The following KLF12 variants were observed in gnomAD, a reference collection of about 807,000 sequenced individuals.
KLF12 encodes the protein Krueppel-like factor 12.
KLF12 carries 9 observed loss-of-function variants against 37.8 expected under a neutral mutation model. The ratio of observed to expected loss-of-function variants is 0.24; its 90% CI spans 0.14 to 0.42. The LOEUF is 0.42. Among genes scored for constraint, KLF12 ranks in the 10% least tolerant of loss-of-function variants. The pLI, the probability that KLF12 is intolerant of heterozygous loss-of-function variation, is 1.00. For missense variants in KLF12, 411 were observed against 516.0 expected (o/e 0.80, Z 1.97); for synonymous variants, 208 against 202.1 (o/e 1.03, Z -0.25).
At chr13:73,903,925 T>C (rs967571093) in intron 3 of KLF12, among the ~76,000 whole-genome samples, 1 of 152,200 alleles carries the variant, frequency 6.6e-6, no homozygotes, top group African/African-American at 2.4e-5. Flanking sequence ...TGAAACCATC[T>C]TCCACTCCCA....
At chr13:74,245,149 C>T in the KLF12 span, among the ~76,000 whole-genome samples, 1 of 151,914 alleles carries the variant, frequency 6.6e-6, no homozygotes, top group Non-Finnish European at 1.5e-5. Flanking sequence ...ATTTGGGTAG[C>T]CAGTATTATT....
chr13:74,186,560 A>G, the KLF12 span, among the ~76,000 whole-genome samples: 1 of 152,146 alleles, frequency 6.6e-6, no homozygotes, highest in Non-Finnish European at 1.5e-5. Context: ...AGGTTTAGAG[A>G]CACATCATCT....
intron 6 of KLF12, among the ~76,000 whole-genome samples, chr13:73,752,687 C>A (rs1878852093): frequency 6.6e-6 from 1 of 151,818 alleles, no homozygotes; most frequent in African/African-American, 2.4e-5. Context: ...TCAGCCACAG[C>A]CTTGGCTTCC....
At chr13:73,880,373 A>G (rs1395852126) in intron 3 of KLF12, among the ~76,000 whole-genome samples, 2 of 152,204 alleles carry the variant, frequency 1.3e-5, no homozygotes, top group African/African-American at 4.8e-5. Flanking sequence ...AGGGAGTTCA[A>G]TTAGTTTATT....
the KLF12 span, among the ~76,000 whole-genome samples, chr13:74,147,183 AT>A: frequency 6.6e-6 from 1 of 152,134 alleles, no homozygotes; most frequent in Non-Finnish European, 1.5e-5. Flanking sequence ...GAAGTTTTGC[AT>A]TTTTCACATA....
intron 1 of KLF12, among the ~76,000 whole-genome samples, chr13:74,112,737 C>T (rs1466414086): frequency 6.6e-6 from 1 of 152,046 alleles, no homozygotes; most frequent in Admixed American, 6.6e-5. Context: ...AAAATTGGGC[C>T]AATTAATAAA....
intron 1 of KLF12, among the ~76,000 whole-genome samples, chr13:74,106,569 A>T (rs1434797671): frequency 6.6e-6 from 1 of 152,176 alleles, no homozygotes; most frequent in Non-Finnish European, 1.5e-5. Flanking sequence ...CTGGAGATAA[A>T]AATCAGTGCA....
intron 7 of KLF12, among the ~76,000 whole-genome samples, chr13:73,711,516 T>C (rs138058019): frequency 2.6e-5 from 4 of 152,318 alleles, no homozygotes; most frequent in Non-Finnish European, 4.4e-5. Context: ...CTAAATCTAA[T>C]GCTAAATCTG....
At chr13:74,212,685 A>G in the KLF12 span, among the ~76,000 whole-genome samples, 25 of 152,294 alleles carry the variant, frequency 1.6e-4, no homozygotes, top group African/African-American at 5.8e-4. Context: ...TCAAAAATCA[A>G]TTCATAATTG....
At chr13:73,835,985 T>C (rs1298167158) in intron 4 of KLF12, among the ~76,000 whole-genome samples, 1 of 152,140 alleles carries the variant, frequency 6.6e-6, no homozygotes, top group Non-Finnish European at 1.5e-5. Context: ...GAGATATTCC[T>C]GGCTTTGTAA....
intron 7 of KLF12, among the ~76,000 whole-genome samples, chr13:73,696,956 T>C (rs951789761): frequency 1.3e-5 from 2 of 152,148 alleles, no homozygotes; most frequent in Non-Finnish European, 2.9e-5. Context: ...CCATGAAGAT[T>C]TCGTTTAGAC....
At chr13:74,268,097 G>T in the KLF12 span, among the ~76,000 whole-genome samples, 1 of 152,130 alleles carries the variant, frequency 6.6e-6, no homozygotes, top group Non-Finnish European at 1.5e-5. Flanking sequence ...ATGAATTTTT[G>T]TTGTTTTAAG....
At chr13:73,885,160 A>G (rs1887165128) in intron 3 of KLF12, among the ~76,000 whole-genome samples, 1 of 152,228 alleles carries the variant, frequency 6.6e-6, no homozygotes, top group Admixed American at 6.5e-5. Flanking sequence ...GTGTATTTGA[A>G]ATCTTCACTT....
intron 3 of KLF12, among the ~76,000 whole-genome samples, chr13:73,876,129 C>T (rs1886690527): frequency 6.7e-6 from 1 of 149,846 alleles, no homozygotes; most frequent in Non-Finnish European, 1.5e-5. Context: ...CACATTTTAG[C>T]TGGGTGCTAT....
chr13:73,724,863 G>A (rs1876542711), intron 6 of KLF12, among the ~76,000 whole-genome samples: 1 of 152,166 alleles, frequency 6.6e-6, no homozygotes, highest in South Asian at 2.1e-4. Context: ...TTCCAATGAT[G>A]TTGTAGAAAG....
the KLF12 span, among the ~76,000 whole-genome samples, chr13:74,139,352 C>T: frequency 1.8e-4 from 27 of 152,176 alleles, no homozygotes; most frequent in African/African-American, 5.1e-4. Flanking sequence ...CTGTTTTGCA[C>T]ATAGTAGGTG....
At chr13:73,918,834 C>T (rs1038403154) in intron 3 of KLF12, among the ~76,000 whole-genome samples, 5 of 152,130 alleles carry the variant, frequency 3.3e-5, no homozygotes, top group Admixed American at 2.0e-4. Flanking sequence ...AACTCTAAAC[C>T]GTGCTGCTAT....
the KLF12 span, among the ~76,000 whole-genome samples, chr13:74,287,396 A>AGAGAGAGAGAC: frequency 2.8e-5 from 1 of 35,840 alleles, no homozygotes. Flanking sequence ...GAGAGAGAGA[A>AGAGAGAGAGAC]TCCACCTCTA....
intron 1 of KLF12, among the ~76,000 whole-genome samples, chr13:74,080,033 T>G (rs1874787869): frequency 6.6e-6 from 1 of 152,346 alleles, no homozygotes; most frequent in East Asian, 1.9e-4. Context: ...GTACTATTAT[T>G]CAGCCTTATA....
Sources: gnomAD v4.1 joint callset for allele counts (sites outside exome capture counted in the v4.1 genomes callset) on GRCh38, gnomAD v4.1.1 for gene constraint, MANE v1.5 for transcripts, NCBI Gene and HGNC (gene_info 2026-07-23, HGNC 2026-07-21) for gene names.